Variants in GATA4 observed in about 807,000 individuals in gnomAD.
GATA4 encodes the protein GATA binding protein 4.
GATA4 carries 7 observed loss-of-function variants against 37.9 expected under a neutral mutation model. The observed-to-expected ratio is 0.18, with a 90% CI of 0.11 to 0.35. The LOEUF (loss-of-function observed/expected upper bound fraction) is 0.35. Among genes scored for constraint, GATA4 ranks in the 10% least tolerant of loss-of-function variants. The pLI is 1.00. For missense variants in GATA4, 647 were observed against 653.0 expected (o/e 0.99, Z 0.10); for synonymous variants, 372 against 292.6 (o/e 1.27, Z -2.77).
At chr8:11,710,822 G>C (rs1800148614) in intron 2 of GATA4, among the ~76,000 whole-genome samples, 1 of 152,062 alleles carries the variant, frequency 6.6e-6, no homozygotes, top group African/African-American at 2.4e-5. Context: ...ACATCCAGCA[G>C]TGTAAAAACG....
upstream of GATA4, among the ~76,000 whole-genome samples, chr8:11,702,967 C>A (rs1799735910): frequency 3.9e-5 from 6 of 152,336 alleles, no homozygotes; most frequent in South Asian, 1.2e-3. This position sits in a 1 kb window ranked among gnomAD's most constrained non-coding sequence, Gnocchi z 4.4. Context: ...TTTCCTTCTA[C>A]CCAGCCCCGC....
chr8:11,697,504 C>G, intron 1 of GATA4: 1 of 971,812 alleles, frequency 1.0e-6, no homozygotes, highest in Non-Finnish European at 1.2e-6. Flanking sequence ...TCGGTGGGCA[C>G]CTGCTGCAGT....
intron 1 of GATA4, among the ~76,000 whole-genome samples, chr8:11,680,077 C>T (rs1028930985): frequency 2.0e-5 from 3 of 152,220 alleles, no homozygotes; most frequent in African/African-American, 7.2e-5. Flanking sequence ...AAAGGACTTC[C>T]CGCCGGAGAA....
chr8:11,731,482 A>G (rs1029620278), intron 2 of GATA4, among the ~76,000 whole-genome samples: 5 of 152,226 alleles, frequency 3.3e-5, no homozygotes, highest in African/African-American at 1.2e-4. Flanking sequence ...TCACCAAAGG[A>G]CAAACACTCT....
intron 2 of GATA4, among the ~76,000 whole-genome samples, chr8:11,739,689 C>T (rs1801630453): frequency 6.8e-6 from 1 of 147,414 alleles, no homozygotes. Flanking sequence ...TCATGGGACT[C>T]TCTAGGCACT....
At chr8:11,753,772 C>T (rs528759542) in intron 4 of GATA4, among the ~76,000 whole-genome samples, 5 of 152,272 alleles carry the variant, frequency 3.3e-5, no homozygotes, top group South Asian at 2.1e-4. Context: ...TTAACCATTG[C>T]GTGTTCATGT....
intron 4 of GATA4, among the ~76,000 whole-genome samples, chr8:11,750,883 G>A (rs1259518553): frequency 6.6e-6 from 1 of 151,884 alleles, no homozygotes; most frequent in Non-Finnish European, 1.5e-5. Context: ...GGAGTTTGAG[G>A]CTGCAGTGAG....
Position 11,754,169 on chromosome 8 carries a change from G to A in GATA4, c.913-877G>A, listed in dbSNP as rs566017391. ...TGTTACATCTCAACTCACTGGGACT[G>A]TTGCTGTTGAGGCCAATTTTCCCAG... is the stretch of plus-strand genomic sequence containing the variant. On this transcript the variant is annotated intron_variant, in intron 4 of 6. Coordinates refer to ENST00000532059, the MANE Select transcript of GATA4 (RefSeq NM_001308093.3). Among the ~76,000 whole-genome samples the A allele has an allele frequency of 2.6e-5, 4 of 152,346 alleles. No homozygotes were observed. In the South Asian group the frequency reaches 8.3e-4, roughly 32 times the overall value.
At chr8:11,727,099 C>G (rs1436329974) in intron 2 of GATA4, among the ~76,000 whole-genome samples, 1 of 152,196 alleles carries the variant, frequency 6.6e-6, no homozygotes, top group African/African-American at 2.4e-5. Context: ...CACAGGGAAA[C>G]AAGCTCCCTT....
At chr8:11,741,063 C>A (rs1801713772) in intron 2 of GATA4, among the ~76,000 whole-genome samples, 1 of 152,082 alleles carries the variant, frequency 6.6e-6, no homozygotes, top group South Asian at 2.1e-4. Flanking sequence ...GGTATCCCAG[C>A]CTGCGGTTCT....
chr8:11,727,079 T>A (rs1049672365), intron 2 of GATA4, among the ~76,000 whole-genome samples: 1 of 152,190 alleles, frequency 6.6e-6, no homozygotes, highest in South Asian at 2.1e-4. Context: ...AGCCTCATCA[T>A]AACAAACGTC....
intron 2 of GATA4, among the ~76,000 whole-genome samples, chr8:11,712,305 C>G (rs1313751749): frequency 6.6e-6 from 1 of 152,056 alleles, no homozygotes; most frequent in East Asian, 1.9e-4. Context: ...GTTGGACACT[C>G]AATGTGAAAA....
At position 11,709,977 on chromosome 8, in the gene GATA4, A is replaced by C. The variant is rs1800100763; in HGVS notation, c.616+1049A>C. 6.6e-6 allele frequency among the ~76,000 whole-genome samples: 1 copy of C among 152,220 alleles called. No individual in the cohort carries two copies. The highest frequency in any genetic ancestry group is 2.4e-5 in the African/African-American group (1 of 41,464). ...GTGGGGGAGGGGAAGCCCAGGCTTG[A>C]GAAGCAAAGCTCGCGTTTATTGACC... On this transcript the variant is annotated intron_variant, in intron 2 of 6. Coordinates refer to ENST00000532059, the MANE Select transcript of GATA4 (RefSeq NM_001308093.3). This position sits in a 1 kb window ranked among gnomAD's most constrained non-coding sequence, Gnocchi z 4.3.
intron 1 of GATA4, chr8:11,680,457 G>A (rs1430986343): frequency 1.6e-5 from 16 of 984,966 alleles, no homozygotes; most frequent in Non-Finnish European, 1.9e-5. Flanking sequence ...TTCCTGGCAA[G>A]GCCGAAGCCG....
In GATA4 at chr8:11,755,099, G is replaced by A. The variant is rs995668697; in HGVS notation, c.966G>A (p.Lys322=). The stretch of plus-strand genomic sequence containing the variant: ...AGGGGATCCAAACCAGAAAACGGAA[G>A]CCCAAGAACCTGAATAAATCTAAGA... The part of the protein sequence containing the change: ...RKEGIQTRKR[K]PKNLNKSKTP... The change falls in exon 5 of 7, where the codon AAG becomes AAA. Residue 322 remains lysine (K), a synonymous_variant. Transcript: ENST00000532059. The A allele has an allele frequency of 3.7e-6, 6 of 1,613,976 alleles. No homozygotes were observed. Among genetic ancestry groups the A allele is most frequent in the East Asian group, 2.2e-5 (1 of 44,882 alleles).
upstream of GATA4, among the ~76,000 whole-genome samples, chr8:11,699,941 A>G (rs559525507): frequency 4.6e-5 from 7 of 152,354 alleles, no homozygotes; most frequent in East Asian, 1.3e-3. Context: ...TTTTCATGGT[A>G]GAAAGTCGAT....
intron 1 of GATA4, among the ~76,000 whole-genome samples, chr8:11,679,687 G>T (rs1373408638): frequency 6.6e-6 from 1 of 152,194 alleles, no homozygotes; most frequent in Non-Finnish European, 1.5e-5. Context: ...TGAGTGGGCC[G>T]GGTGCTGGGC....
chr8:11,712,370 C>G (rs1052941661), intron 2 of GATA4, among the ~76,000 whole-genome samples: 2 of 152,102 alleles, frequency 1.3e-5, no homozygotes, highest in Non-Finnish European at 2.9e-5. Flanking sequence ...AAAGAAGAAA[C>G]AGCAGAGGAG....
chr8:11,740,716 C>G (rs1801692915), intron 2 of GATA4, among the ~76,000 whole-genome samples: 1 of 151,044 alleles, frequency 6.6e-6, no homozygotes, highest in Non-Finnish European at 1.5e-5. Context: ...TCAGTATTGC[C>G]TTCTTTTCTT....
Sources: gnomAD v4.1 joint callset for allele counts (sites outside exome capture counted in the v4.1 genomes callset) on GRCh38, gnomAD v4.1.1 for gene constraint, Gnocchi (gnomAD v3.1) non-coding constraint, MANE v1.5 for transcripts, NCBI Gene and HGNC (gene_info 2026-07-23, HGNC 2026-07-21) for gene names.